The following RNGTT variants were observed in gnomAD, a reference collection of about 807,000 sequenced individuals.
RNGTT encodes RNA guanylyltransferase and 5'-phosphatase.
RNGTT carries 33 observed loss-of-function variants against 79.3 expected under a neutral mutation model. The ratio of observed to expected loss-of-function variants is 0.42; its 90% CI spans 0.32 to 0.56. The LOEUF (loss-of-function observed/expected upper bound fraction) is 0.56, where lower values mean the gene tolerates loss of function less well. RNGTT is among the 20% of genes least tolerant of loss of function. The pLI is 0.17. For missense variants in RNGTT, 497 were observed against 739.1 expected, an observed-to-expected ratio of 0.67 and a Z score of 3.80; for synonymous variants, 222 against 235.9, an observed-to-expected ratio of 0.94 and a Z score of 0.54.
chr6:88,920,349 G>A (rs1189828579), intron 4 of RNGTT, among the ~76,000 whole-genome samples: 2 of 152,108 alleles, frequency 1.3e-5, no homozygotes, highest in East Asian at 1.9e-4. Context: ...CTAATGCAAT[G>A]TAAGTGCTAT....
In RNGTT at chr6:88,891,912, C is replaced by A. The variant is rs777686782; in HGVS notation, c.688G>T (p.Ala230Ser). ...ACAGTAACACCTTCCAAGAAAATAG[C>A]GCCCTTTAAAAAAAAAATAAGAAAA... ...KRRKERLKLGAIFLEGVTVKG... is the reference protein window; with the variant it reads ...KRRKERLKLGSIFLEGVTVKG... Residue 230 changes from alanine to serine, a missense_variant, in exon 7 of 16, where the codon GCT becomes TCT. Coordinates refer to ENST00000369485, the MANE Select transcript of RNGTT (RefSeq NM_003800.5). 2 of 1,531,538 alleles carry A rather than the reference C, an allele frequency of 1.3e-6. No homozygotes were observed. Among genetic ancestry groups the A allele is most frequent in the South Asian group, 2.6e-5 (2 of 77,180 alleles). 94.9% of individuals were successfully genotyped at this position (1,531,538 alleles called of 1,614,324 possible).
At chr6:88,879,190 T>C (rs898228971) in intron 8 of RNGTT, among the ~76,000 whole-genome samples, 1 of 151,896 alleles carries the variant, frequency 6.6e-6, no homozygotes, top group Admixed American at 6.6e-5. Flanking sequence ...AGGTAAGGAG[T>C]TTGACACCAG....
chr6:88,618,862 A>T (rs1290291327), intron 14 of RNGTT, among the ~76,000 whole-genome samples: 1 of 152,192 alleles, frequency 6.6e-6, no homozygotes, highest in African/African-American at 2.4e-5. Flanking sequence ...CTCTTGCCTG[A>T]GCAATTATTC....
At chr6:88,950,272 G>C (rs1332292039) in intron 1 of RNGTT, among the ~76,000 whole-genome samples, 1 of 152,208 alleles carries the variant, frequency 6.6e-6, no homozygotes, top group Non-Finnish European at 1.5e-5. Context: ...GAAATGTACA[G>C]GGAGATTAAT....
chr6:88,649,684 G>A (rs573592138), intron 14 of RNGTT, among the ~76,000 whole-genome samples: 8 of 151,746 alleles, frequency 5.3e-5, no homozygotes, highest in Non-Finnish European at 1.0e-4. Flanking sequence ...GTGAAAGAGC[G>A]AGACTAAGTC....
intron 14 of RNGTT, among the ~76,000 whole-genome samples, chr6:88,626,954 T>A (rs925805522): frequency 1.3e-5 from 2 of 152,018 alleles, no homozygotes; most frequent in Non-Finnish European, 2.9e-5. Context: ...CCAAGCATGA[T>A]GAGAATTATA....
At chr6:88,616,712 G>T (rs543293714) in intron 14 of RNGTT, among the ~76,000 whole-genome samples, 2 of 152,210 alleles carry the variant, frequency 1.3e-5, no homozygotes, top group Non-Finnish European at 2.9e-5. Context: ...CAGTATACAA[G>T]AAACTTTGTC....
intron 12 of RNGTT, among the ~76,000 whole-genome samples, chr6:88,785,541 C>T (rs571278690): frequency 6.6e-6 from 1 of 152,068 alleles, no homozygotes; most frequent in Non-Finnish European, 1.5e-5. Context: ...TTTGCTATTA[C>T]AATTCCTTGG....
At chr6:88,727,722 A>T (rs1009405820) in intron 13 of RNGTT, among the ~76,000 whole-genome samples, 1 of 152,256 alleles carries the variant, frequency 6.6e-6, no homozygotes, top group South Asian at 2.1e-4. Flanking sequence ...ACTAATAAAA[A>T]TAGGTGCTAA....
chr6:88,693,517 G>A (rs1775554528), intron 13 of RNGTT, among the ~76,000 whole-genome samples: 1 of 150,514 alleles, frequency 6.6e-6, no homozygotes, highest in East Asian at 1.9e-4. Flanking sequence ...ATGGCTTCAG[G>A]CTGATTTTGA....
At chr6:88,774,647 A>C (rs1778811493) in intron 12 of RNGTT, among the ~76,000 whole-genome samples, 1 of 152,212 alleles carries the variant, frequency 6.6e-6, no homozygotes, top group South Asian at 2.1e-4. Flanking sequence ...AAAGGAATGA[A>C]GTTTTGATAC....
intron 14 of RNGTT, among the ~76,000 whole-genome samples, chr6:88,643,584 T>C (rs1228104331): frequency 1.3e-5 from 2 of 152,168 alleles, no homozygotes; most frequent in East Asian, 1.9e-4. Flanking sequence ...TATTCCAAAA[T>C]TGGCCACATA....
At chr6:88,664,169 T>C (rs1490048287) in intron 14 of RNGTT, among the ~76,000 whole-genome samples, 19 of 151,920 alleles carry the variant, frequency 1.3e-4, no homozygotes. Context: ...GCTAATGCGG[T>C]ATAGGGAAGC....
intron 8 of RNGTT, among the ~76,000 whole-genome samples, chr6:88,877,452 C>T (rs1242813115): frequency 1.3e-5 from 2 of 152,166 alleles, no homozygotes; most frequent in Admixed American, 6.5e-5. Context: ...TTCAAAAATG[C>T]ATTTTCTCAG....
At chr6:88,771,285 A>C (rs1778650654) in intron 12 of RNGTT, among the ~76,000 whole-genome samples, 1 of 138,180 alleles carries the variant, frequency 7.2e-6, no homozygotes, top group East Asian at 2.2e-4. Flanking sequence ...GGTATGAAGC[A>C]CAGGACTGTA....
At chr6:88,886,096 G>C (rs1389259716) in intron 8 of RNGTT, among the ~76,000 whole-genome samples, 2 of 152,154 alleles carry the variant, frequency 1.3e-5, no homozygotes, top group African/African-American at 4.8e-5. Flanking sequence ...ACGACGTCAG[G>C]AGATCGAGAC....
chr6:88,878,072 A>ATTTG lies in RNGTT; in HGVS notation c.896+12419_896+12422dup, dbSNP rs200562338. On this transcript the variant is annotated intron_variant, in intron 8 of 15. Coordinates refer to ENST00000369485, the MANE Select transcript of RNGTT (RefSeq NM_003800.5). Reference sequence around the variant, plus strand: ...GAAAAACTACCTTAAACCTAATTTCATTTGTTTATTTATTTATTTATTTAT... The same window carrying ATTTG: ...GAAAAACTACCTTAAACCTAATTTCATTTGTTTGTTTATTTATTTATTTATTTAT... Among the ~76,000 whole-genome samples, 667 of 149,968 alleles carry ATTTG rather than the reference A, an allele frequency of 4.4e-3. 5 individuals carry two copies. Among genetic ancestry groups the ATTTG allele is most frequent in the African/African-American group, 0.015 (611 of 40,326 alleles).
intron 12 of RNGTT, among the ~76,000 whole-genome samples, chr6:88,790,845 C>T (rs2127855292): frequency 6.6e-6 from 1 of 152,316 alleles, no homozygotes; most frequent in East Asian, 1.9e-4. Context: ...GGGTCCTAAA[C>T]TTCTCATTTA....
chr6:88,937,902 G>A lies in RNGTT; in HGVS notation c.174+3169C>T, dbSNP rs73489903. On this transcript the variant is annotated intron_variant, in intron 2 of 15. Coordinates refer to ENST00000369485, the MANE Select transcript of RNGTT (RefSeq NM_003800.5). The stretch of plus-strand genomic sequence containing the variant: ...CTACCATTGTGGTCTAAGAAGGTAT[G>A]TGATATGATTTTGACTTTTTTATTT... 9.3e-3 allele frequency among the ~76,000 whole-genome samples: 1,419 copies of A among 152,258 alleles called. 20 individuals carry two copies. Among genetic ancestry groups the A allele is most frequent in the African/African-American group, 0.033 (1,367 of 41,542 alleles).
Sources: gnomAD v4.1 joint callset for allele counts (sites outside exome capture counted in the v4.1 genomes callset) on GRCh38, gnomAD v4.1.1 for gene constraint, MANE v1.5 for transcripts, NCBI Gene and HGNC (gene_info 2026-07-23, HGNC 2026-07-21) for gene names.